Variants in CLMN observed in about 807,000 individuals in gnomAD.
The protein encoded by CLMN is calmin.
A neutral mutation model predicts 92.7 loss-of-function variants in CLMN; 57 were observed. That is an observed-to-expected ratio of 0.61 (90% CI 0.50 to 0.77). The LOEUF (loss-of-function observed/expected upper bound fraction) is 0.77. CLMN is among the 30% of genes least tolerant of loss of function. CLMN has a pLI of 0.00. For synonymous variants in CLMN, 466 were observed against 470.6 expected (o/e 0.99, Z 0.13); for missense variants, 1,158 against 1,237.5 (o/e 0.94, Z 0.96).
At chr14:95,193,417 T>C in intron 12 of CLMN, 6 of 1,526,134 alleles carry the variant, frequency 3.9e-6, no homozygotes, top group Non-Finnish European at 5.3e-6. Context: ...GTACTGTACC[T>C]GCAGTGGCAA....
chr14:95,215,628 G>T lies in CLMN; in HGVS notation c.417+13C>A, dbSNP rs1348163466. ...GATCATGATTGTGTGTTTTGGAAAA[G>T]AAATGATCTTACCTGGAAGAAGAGG... On this transcript the variant is annotated intron_variant, in intron 5 of 12. Coordinates refer to ENST00000298912, the MANE Select transcript of CLMN (RefSeq NM_024734.4). The T allele has an allele frequency of 6.2e-7, 1 of 1,607,990 alleles. No individual in the cohort carries two copies. The highest frequency in any genetic ancestry group is 8.5e-7 in the Non-Finnish European group (1 of 1,174,532).
intron 1 of CLMN, among the ~76,000 whole-genome samples, chr14:95,292,428 T>TC (rs1263766978): frequency 1.6e-4 from 12 of 74,052 alleles, no homozygotes; most frequent in East Asian, 5.1e-4. Context: ...CCCCCAAGGG[T>TC]CCCCCACCCC....
At chr14:95,210,051 A>G (rs1352485336) in intron 7 of CLMN, among the ~76,000 whole-genome samples, 1 of 147,746 alleles carries the variant, frequency 6.8e-6, no homozygotes, top group East Asian at 2.3e-4. Context: ...TGGAAGAGCT[A>G]AGTACATTTT....
intron 1 of CLMN, among the ~76,000 whole-genome samples, chr14:95,258,899 G>A (rs1899134563): frequency 6.6e-6 from 1 of 151,226 alleles, no homozygotes; most frequent in Non-Finnish European, 1.5e-5. Context: ...TGTGGAGGGT[G>A]TGTGTGTATG....
intron 10 of CLMN, among the ~76,000 whole-genome samples, 154 bp downstream of exon 10, chr14:95,196,344 C>T (rs1035159122): frequency 1.3e-5 from 2 of 152,192 alleles, no homozygotes; most frequent in African/African-American, 4.8e-5. Flanking sequence ...GGTCGGGGAA[C>T]CCAGGTGTAG....
Position 95,230,150 on chromosome 14 carries a change from A to G in CLMN, c.83-17T>C. 6.2e-7 allele frequency: 1 copy of G among 1,611,448 alleles called. No individual in the cohort carries two copies. The highest frequency in any genetic ancestry group is 8.5e-7 in the Non-Finnish European group (1 of 1,177,582). Reference sequence around the variant, plus strand: ...CCCTCTCAACTGAAAACAAAGACATACCATCAGCTGGGAGAATAAGAAGTA... The same window carrying G: ...CCCTCTCAACTGAAAACAAAGACATGCCATCAGCTGGGAGAATAAGAAGTA... On this transcript the variant is annotated splice_polypyrimidine_tract_variant and intron_variant, in intron 1 of 12. Transcript: ENST00000298912.
intron 9 of CLMN, among the ~76,000 whole-genome samples, chr14:95,197,182 G>A (rs543437808): frequency 2.3e-4 from 35 of 152,230 alleles, no homozygotes; most frequent in African/African-American, 7.2e-4. Context: ...CTGGGAGGCA[G>A]AGGTTGCAGT....
In CLMN at chr14:95,256,395, A is replaced by C. The variant is rs1899000236; in HGVS notation, c.83-26262T>G. ...ATCTTGGCTGAGGAAATTGCTACCA[A>C]CGACACTGTGACTCAACAGATAATT... On this transcript the variant is annotated intron_variant, in intron 1 of 12. Coordinates refer to ENST00000298912, the MANE Select transcript of CLMN (RefSeq NM_024734.4). This position sits in a 1 kb window ranked among gnomAD's most constrained non-coding sequence, Gnocchi z 4.9. Among the ~76,000 whole-genome samples, 1 of 152,224 alleles carries C rather than the reference A, an allele frequency of 6.6e-6. No individual in the cohort carries two copies. Among genetic ancestry groups the C allele is most frequent in the Non-Finnish European group, 1.5e-5 (1 of 68,044 alleles).
rs376829684 is a variant in CLMN, at chr14:95,269,648, G to C, written c.83-39515C>G. 5.9e-5 allele frequency among the ~76,000 whole-genome samples: 9 copies of C among 152,286 alleles called. No individual in the cohort carries two copies. In the East Asian group the frequency reaches 1.5e-3, roughly 26 times the overall value. On this transcript the variant is annotated intron_variant, in intron 1 of 12. Transcript: ENST00000298912. Reference sequence around the variant, plus strand: ...GGCTCTGCCAACCTGAACCCCACCAGGCTCCTTCCTGGATGCCCAAGCCCC... The same window carrying C: ...GGCTCTGCCAACCTGAACCCCACCACGCTCCTTCCTGGATGCCCAAGCCCC...
At chr14:95,280,397 G>A (rs994040094) in intron 1 of CLMN, among the ~76,000 whole-genome samples, 14 of 152,060 alleles carry the variant, frequency 9.2e-5, no homozygotes, top group Non-Finnish European at 1.5e-4. Context: ...GATAATAAAA[G>A]ATTTTTATTT....
chr14:95,289,795 G>T (rs1229673622), intron 1 of CLMN, among the ~76,000 whole-genome samples: 1 of 152,068 alleles, frequency 6.6e-6, no homozygotes, highest in Non-Finnish European at 1.5e-5. Context: ...TTAGGAGCTG[G>T]CCATTCATAT....
At chr14:95,255,749 C>G (rs1004938494) in intron 1 of CLMN, among the ~76,000 whole-genome samples, 1 of 152,158 alleles carries the variant, frequency 6.6e-6, no homozygotes, top group East Asian at 1.9e-4. Context: ...AAGTCAGTGC[C>G]GTATTTAGTG....
rs1896506452 is a variant in CLMN at position 95,189,230 on chromosome 14, T to TA, written c.*2333dup. On this transcript the variant is annotated 3_prime_UTR_variant, in exon 13 of 13. Transcript: ENST00000298912. The stretch of plus-strand genomic sequence containing the variant: ...AGCAAGCCAGTAGATGTTTCTAAAT[T>TA]AAAAAATAAAGTGTAAGCACGTTAT... 6.6e-6 allele frequency: 1 copy of TA among 152,266 alleles called. No homozygotes were observed. Among genetic ancestry groups the TA allele is most frequent in the East Asian group, 1.9e-4 (1 of 5,182 alleles). 9.4% of individuals were successfully genotyped at this position (152,266 alleles called of 1,614,324 possible).
rs76376574 is a variant in CLMN at position 95,303,262 on chromosome 14, A to G, written c.82+16449T>C. Among the ~76,000 whole-genome samples the G allele has an allele frequency of 5.3e-4, 81 of 152,330 alleles. 2 individuals carry two copies. The East Asian group carries it at 0.013, about 24-fold the overall frequency. On this transcript the variant is annotated intron_variant, in intron 1 of 12. Coordinates refer to ENST00000298912, the MANE Select transcript of CLMN (RefSeq NM_024734.4). ...CCAAACAATGCATGTTCTACCAAATAACTCATTCCCTCAGCGGTGTGGCTT... is the reference window on the plus strand; with the variant it reads ...CCAAACAATGCATGTTCTACCAAATGACTCATTCCCTCAGCGGTGTGGCTT...
rs1217224932 is a variant in CLMN at position 95,285,724 on chromosome 14, A to AAG, written c.82+33985_82+33986dup. ...GGTGAGATCACTGGGATATGTGGCT[A>AAG]AGATATATGCTCCAGGATGAGGTGG... On this transcript the variant is annotated intron_variant, in intron 1 of 12. Transcript: ENST00000298912. Among the ~76,000 whole-genome samples, 10 of 152,334 alleles carry AAG rather than the reference A, an allele frequency of 6.6e-5. No homozygotes were observed. In the East Asian group the frequency reaches 1.7e-3, roughly 26 times the overall value.
intron 8 of CLMN, 137 bp from the exon 9 acceptor site, chr14:95,204,600 A>C: frequency 3.7e-6 from 3 of 809,432 alleles, no homozygotes; most frequent in Non-Finnish European, 5.5e-6. Flanking sequence ...ACAAACAAAA[A>C]TGGAAAAAGC....
chr14:95,227,688 G>A (rs981609929), intron 2 of CLMN, among the ~76,000 whole-genome samples: 8 of 152,182 alleles, frequency 5.3e-5, no homozygotes, highest in South Asian at 4.1e-4. Flanking sequence ...TTGAACCTGC[G>A]CCAGGGAAAA....
At chr14:95,195,528 CCCCA>C (rs1397513343) in intron 10 of CLMN, among the ~76,000 whole-genome samples, 1 of 152,242 alleles carries the variant, frequency 6.6e-6, no homozygotes, top group African/African-American at 2.4e-5. Context: ...CCCTACCCCT[CCCCA>C]AATGCATACC....
At chr14:95,265,792 T>C (rs1348352586) in intron 1 of CLMN, among the ~76,000 whole-genome samples, 1 of 152,212 alleles carries the variant, frequency 6.6e-6, no homozygotes, top group African/African-American at 2.4e-5. Context: ...AGGAAGGGCC[T>C]CCTAGTGACA....
Sources: gnomAD v4.1 joint callset for allele counts (sites outside exome capture counted in the v4.1 genomes callset) on GRCh38, gnomAD v4.1.1 for gene constraint, Gnocchi (gnomAD v3.1) non-coding constraint, MANE v1.5 for transcripts, NCBI Gene and HGNC (gene_info 2026-07-23, HGNC 2026-07-21) for gene names.